The following ZNF814 variants were observed in gnomAD, a reference collection of about 807,000 sequenced individuals.
The protein encoded by ZNF814 is zinc finger protein 814.
A neutral mutation model predicts 7.5 loss-of-function variants in ZNF814; 5 were observed. The ratio of observed to expected loss-of-function variants is 0.67; its 90% CI spans 0.35 to 1.40. The LOEUF is 1.40. Ranked by LOEUF, ZNF814 falls within the 40% of genes most tolerant of loss-of-function variation. The probability of loss-of-function intolerance (pLI) is 0.04; values close to 1 mark genes in which losing one functional copy is unlikely to be tolerated. For missense variants in ZNF814, 962 were observed against 1,018.0 expected (o/e 0.94, Z 0.75); for synonymous variants, 315 against 340.7 (o/e 0.92, Z 0.83).
In ZNF814 at chr19:57,873,701, G is replaced by C. The variant is rs770594064; in HGVS notation, c.1689C>G (p.Leu563=). The change falls in exon 3 of 3, where the codon CTC becomes CTG. Residue 563 remains leucine, a synonymous_variant. Transcript: ENST00000435989. The part of the protein sequence containing the change: ...CGKSFSHKGT[L]ILHQRVHPRE... ...TAGGGTGAACTCGCTGATGTAGAAT[G>C]AGGGTGCCTTTATGACTAAAAGATT... The C allele has an allele frequency of 3.1e-6, 5 of 1,612,888 alleles. No individual in the cohort carries two copies. The highest frequency in any genetic ancestry group is 4.2e-6 in the Non-Finnish European group (5 of 1,179,724).
At chr19:57,883,315 A>G (rs985115193) in intron 1 of ZNF814, among the ~76,000 whole-genome samples, 4 of 148,970 alleles carry the variant, frequency 2.7e-5, no homozygotes, top group Non-Finnish European at 4.4e-5. Flanking sequence ...AGCTGAGATC[A>G]CGCCACTGCA....
In ZNF814 at chr19:57,870,439, G is replaced by C. The variant is rs1464703766; in HGVS notation, c.*2383C>G. ...GCCATTTCCACCTGATTAAGTGGCT[G>C]GCTGGTCACAAAGGCCACATCACTG... On this transcript the variant is annotated 3_prime_UTR_variant, in exon 3 of 3. Transcript: ENST00000435989. 6.6e-6 allele frequency: 1 copy of C among 152,080 alleles called. No homozygotes were observed. Among genetic ancestry groups the C allele is most frequent in the Non-Finnish European group, 1.5e-5 (1 of 68,016 alleles). 9.4% of individuals were successfully genotyped at this position (152,080 alleles called of 1,614,324 possible).
At position 57,874,916 on chromosome 19, in the gene ZNF814, T is replaced by G. The variant is rs201805246; in HGVS notation, c.474A>C (p.Ala158=). The part of the protein sequence containing the change: ...YRGSVEEALF[A]KRCKLHVSGE... The stretch of plus-strand genomic sequence containing the variant: ...CTGACACATGCAACTTACACCTCTT[T>G]GCAAACAACGCCTCCTCAACACTCC... Residue 158 remains alanine, a synonymous_variant, in exon 3 of 3, where the codon GCA becomes GCC. Transcript: ENST00000435989. The G allele has an allele frequency of 2.9e-5, 45 of 1,571,324 alleles. No individual in the cohort carries two copies. The highest frequency in any genetic ancestry group is 3.8e-5 in the Non-Finnish European group (43 of 1,139,920).
the ZNF814 span, among the ~76,000 whole-genome samples, chr19:57,903,472 C>T: frequency 6.6e-6 from 1 of 152,024 alleles, no homozygotes; most frequent in African/African-American, 2.4e-5. Context: ...GGAATACATC[C>T]GATTTTTGCG....
At position 57,869,942 on chromosome 19, in the gene ZNF814, C is replaced by CAAAAAAAAAAAAAAAAA. The variant is rs57591690; in HGVS notation, c.*2879_*2880insTTTTTTTTTTTTTTTTT. On this transcript the variant is annotated 3_prime_UTR_variant, in exon 3 of 3. Coordinates refer to ENST00000435989, the MANE Select transcript of ZNF814 (RefSeq NM_001144989.2). ...CCTGGCTGACAGTGAGACTCTGTCT[C>CAAAAAAAAAAAAAAAAA]AAAAAAAAAAAAAAAAGGTTGGGCA... 330 of 133,298 alleles carry CAAAAAAAAAAAAAAAAA rather than the reference C, an allele frequency of 2.5e-3. 8 individuals carry two copies. Among genetic ancestry groups the CAAAAAAAAAAAAAAAAA allele is most frequent in the African/African-American group, 9.6e-3 (319 of 33,332 alleles). 8.3% of individuals were successfully genotyped at this position (133,298 alleles called of 1,614,324 possible). A position where few individuals can be genotyped will look rare whatever the true frequency, so the allele number is the denominator to read the frequency against.
chr19:57,872,294 C>T lies in ZNF814; in HGVS notation c.*528G>A, dbSNP rs113766444. 1.3e-3 allele frequency among the ~76,000 whole-genome samples: 191 copies of T among 152,328 alleles called. No homozygotes were observed. Among genetic ancestry groups the T allele is most frequent in the African/African-American group, 4.5e-3 (185 of 41,572 alleles). ...GTTTTTCTCATGTCAATGTTTGAGG[C>T]TCCAATAAAAAGGCTGAAGGCTTTC... On this transcript the variant is annotated 3_prime_UTR_variant, in exon 3 of 3. Coordinates refer to ENST00000435989, the MANE Select transcript of ZNF814 (RefSeq NM_001144989.2).
At chr19:57,900,129 A>G in the ZNF814 span, among the ~76,000 whole-genome samples, 15 of 152,270 alleles carry the variant, frequency 9.9e-5, no homozygotes, top group African/African-American at 3.6e-4. Context: ...CTAGTAATGG[A>G]TAAGCCTCAT....
At chr19:57,876,180 A>G (rs2071606388) in intron 2 of ZNF814, among the ~76,000 whole-genome samples, 1 of 149,172 alleles carries the variant, frequency 6.7e-6, no homozygotes, top group East Asian at 2.0e-4. Context: ...CTGGTCTTGA[A>G]CTCCTGACCT....
rs2071580470 is a variant in ZNF814 at position 57,873,937 on chromosome 19, C to T, written c.1453G>A (p.Val485Ile). The part of the protein sequence containing the change: ...HKRSLVHHQR[V>I]HSGERPYQCG... ...TGATAAGGTCTTTCTCCACTGTGAA[C>T]TCGCTGATGGTGAACAAGGCTGCGC... Residue 485 changes from valine to isoleucine, a missense_variant, in exon 3 of 3, where the codon GTT becomes ATT. Physicochemically the swap from Val to Ile is conservative, Grantham distance 29. Transcript: ENST00000435989. 6.8e-6 allele frequency: 11 copies of T among 1,612,504 alleles called. No individual in the cohort carries two copies. The highest frequency in any genetic ancestry group is 9.3e-6 in the Non-Finnish European group (11 of 1,179,546).
the ZNF814 span, among the ~76,000 whole-genome samples, chr19:57,902,047 C>T: frequency 6.6e-6 from 1 of 152,298 alleles, no homozygotes; most frequent in East Asian, 1.9e-4. Flanking sequence ...CAAATTGGCA[C>T]ACAAGTATGG....
intron 1 of ZNF814, among the ~76,000 whole-genome samples, chr19:57,883,441 T>G (rs2071664656): frequency 6.6e-6 from 1 of 150,810 alleles, no homozygotes; most frequent in Non-Finnish European, 1.5e-5. Flanking sequence ...GGCGGATGGA[T>G]CATGAGGTCA....
intron 1 of ZNF814, among the ~76,000 whole-genome samples, chr19:57,878,513 G>C (rs1185076308): frequency 6.7e-6 from 1 of 149,848 alleles, no homozygotes; most frequent in East Asian, 2.0e-4. Flanking sequence ...AGGCTCGAGT[G>C]GGGTGGTGCA....
upstream of ZNF814, among the ~76,000 whole-genome samples, chr19:57,893,175 T>TC (rs2071741871): frequency 6.7e-6 from 1 of 149,550 alleles, no homozygotes. Flanking sequence ...TATTGATTTT[T>TC]TTTTTTTTTT....
chr19:57,897,396 G>T, the ZNF814 span, among the ~76,000 whole-genome samples: 1 of 152,254 alleles, frequency 6.6e-6, no homozygotes, highest in East Asian at 1.9e-4. Flanking sequence ...CACAAAAAAG[G>T]AATGTAGAAA....
chr19:57,889,551 C>G (rs990790416), upstream of ZNF814, among the ~76,000 whole-genome samples: 13 of 152,008 alleles, frequency 8.6e-5, no homozygotes, highest in Admixed American at 4.6e-4. Flanking sequence ...GGCAACAGAA[C>G]GAGACCTCTT....
In ZNF814 at chr19:57,872,882, TA is replaced by T; in HGVS notation, c.2507del (p.Leu836TyrfsTer77). 2 of 1,612,852 alleles carry T rather than the reference TA, an allele frequency of 1.2e-6. No homozygotes were observed. Among genetic ancestry groups the T allele is most frequent in the Middle Eastern group, 3.3e-4 (2 of 6,060 alleles). On this transcript the variant is annotated frameshift_variant, in exon 3 of 3. Transcript: ENST00000435989. LOFTEE classifies it low-confidence loss of function (END_TRUNC). ...CAAGGAGGTGAGACTTCTTGTTAAA[TA>T]ATTTCCCACATTTCTCACATTTATA... The part of the protein sequence containing the change: ...KPYKCEKCGK[L>X]FNKKSHLLVH...
chr19:57,900,623 C>A, the ZNF814 span: 11 of 152,266 alleles, frequency 7.2e-5, no homozygotes, highest in East Asian at 2.1e-3. Context: ...CAAATTCCAT[C>A]TGTCAGATGG....
At chr19:57,875,346 T>G in intron 2 of ZNF814, 120 bp from the exon 3 acceptor site, 2 of 1,602,608 alleles carry the variant, frequency 1.2e-6, no homozygotes, top group Non-Finnish European at 1.7e-6. Context: ...AGGAACAGGA[T>G]GTTGGCTTCA....
rs1374551839 is a variant in ZNF814, at chr19:57,874,758, C to A, written c.632G>T (p.Gly211Val). The change falls in exon 3 of 3, where the codon GGA becomes GTA. Residue 211 changes from glycine (G) to valine (V), a missense_variant. Gly to Val is a moderately radical substitution (Grantham distance 109). Transcript: ENST00000435989. ...TECVSPIQCGGAHYSCGESMK... is the reference protein window; with the variant it reads ...TECVSPIQCGVAHYSCGESMK... ...GGATTCTCCACAGCTGTAGTGAGCT[C>A]CCCCACACTGAATGGGAGACACACA... 6.2e-7 allele frequency: 1 copy of A among 1,613,508 alleles called. No homozygotes were observed. Among genetic ancestry groups the A allele is most frequent in the African/African-American group, 1.3e-5 (1 of 75,050 alleles).
Sources: gnomAD v4.1 joint callset for allele counts (sites outside exome capture counted in the v4.1 genomes callset) on GRCh38, gnomAD v4.1.1 for gene constraint, MANE v1.5 for transcripts, NCBI Gene and HGNC (gene_info 2026-07-23, HGNC 2026-07-21) for gene names.